The following EEIG1 variants were observed in gnomAD, a reference collection of about 807,000 sequenced individuals.
EEIG1 encodes early estrogen-induced gene 1 protein.
At chr9:127,980,380 C>T in the EEIG1 span, 1 of 440,286 alleles carries the variant, frequency 2.3e-6, no homozygotes, top group Non-Finnish European at 4.1e-6. Context: ...CGGCCGGGGA[C>T]CTCACCGGCA....
At chr9:127,951,199 A>T in the EEIG1 span, among the ~76,000 whole-genome samples, 2 of 152,100 alleles carry the variant, frequency 1.3e-5, no homozygotes, top group African/African-American at 2.4e-5. Flanking sequence ...GGAAAGTGAG[A>T]TTGAGACGAG....
At chr9:127,943,330 G>A in the EEIG1 span, 2 of 1,288,024 alleles carry the variant, frequency 1.6e-6, no homozygotes, top group Non-Finnish European at 2.3e-6. Flanking sequence ...TTCACAAGCA[G>A]GTACTGTTAA....
the EEIG1 span, among the ~76,000 whole-genome samples, chr9:127,946,647 A>G: frequency 9.2e-5 from 14 of 152,192 alleles, no homozygotes; most frequent in African/African-American, 3.4e-4. Context: ...CCCCAGACAC[A>G]TCTCTCTTCT....
the EEIG1 span, chr9:127,980,111 T>G: frequency 6.2e-7 from 1 of 1,613,244 alleles, no homozygotes; most frequent in South Asian, 1.1e-5. Context: ...GGAATTTGAA[T>G]TTCTTCTTCT....
the EEIG1 span, chr9:127,948,138 C>G: frequency 9.3e-6 from 15 of 1,613,854 alleles, no homozygotes; most frequent in Non-Finnish European, 1.2e-5. Flanking sequence ...TGCTGCTGCC[C>G]CCACTGCTGG....
At chr9:127,952,718 A>G in the EEIG1 span, among the ~76,000 whole-genome samples, 1 of 152,098 alleles carries the variant, frequency 6.6e-6, no homozygotes, top group Non-Finnish European at 1.5e-5. Context: ...CTGTTTATTT[A>G]TTTATTTATC....
chr9:127,968,197 C>T, the EEIG1 span, among the ~76,000 whole-genome samples: 1 of 152,032 alleles, frequency 6.6e-6, no homozygotes, highest in African/African-American at 2.4e-5. Context: ...TCCTGGCTGA[C>T]TCATGCCTGG....
chr9:127,943,010 G>T, the EEIG1 span: 1 of 649,056 alleles, frequency 1.5e-6, no homozygotes, highest in Non-Finnish European at 2.8e-6. Flanking sequence ...GGCCAGGAGG[G>T]TCCCAGCATG....
the EEIG1 span, among the ~76,000 whole-genome samples, chr9:127,956,710 CATT>C: frequency 3.3e-5 from 5 of 149,384 alleles, no homozygotes; most frequent in Admixed American, 6.7e-5. Flanking sequence ...CACACCCGGC[CATT>C]ATTATTATTA....
chr9:127,967,264 G>C, the EEIG1 span, among the ~76,000 whole-genome samples: 131,470 of 152,126 alleles, frequency 0.86, 58,211 homozygotes, highest in Non-Finnish European at 0.97. Flanking sequence ...AAAGATGAGC[G>C]CTCCATCTCC....
chr9:127,970,739 C>T, the EEIG1 span, among the ~76,000 whole-genome samples: 6 of 151,942 alleles, frequency 3.9e-5, no homozygotes, highest in South Asian at 8.3e-4. Flanking sequence ...CTTGACTCCT[C>T]CTGACTTCAA....
chr9:127,971,625 A>G, the EEIG1 span, among the ~76,000 whole-genome samples: 1 of 152,162 alleles, frequency 6.6e-6, no homozygotes, highest in Non-Finnish European at 1.5e-5. Context: ...GAGCCAGGGG[A>G]GAAAAGCCCC....
At chr9:127,949,533 G>A in the EEIG1 span, among the ~76,000 whole-genome samples, 1 of 152,122 alleles carries the variant, frequency 6.6e-6, no homozygotes, top group African/African-American at 2.4e-5. Context: ...TCTGGCCTGA[G>A]GTGCACAGGG....
At chr9:127,952,662 C>T in the EEIG1 span, among the ~76,000 whole-genome samples, 49 of 152,328 alleles carry the variant, frequency 3.2e-4, 1 homozygote, top group South Asian at 9.3e-3. Context: ...TGTGATAACA[C>T]AAAAAGATGC....
At chr9:127,950,530 C>T in the EEIG1 span, 5 of 1,613,588 alleles carry the variant, frequency 3.1e-6, no homozygotes, top group African/African-American at 2.7e-5. Flanking sequence ...TTCAAGTCAG[C>T]GAAGCCCAGC....
At chr9:127,946,819 G>C in the EEIG1 span, among the ~76,000 whole-genome samples, 9 of 152,344 alleles carry the variant, frequency 5.9e-5, no homozygotes, top group Non-Finnish European at 1.2e-4. Context: ...CCCAGAGGCA[G>C]AATCACTCGG....
the EEIG1 span, among the ~76,000 whole-genome samples, chr9:127,968,540 AC>A: frequency 6.6e-6 from 1 of 152,176 alleles, no homozygotes; most frequent in Admixed American, 6.5e-5. Context: ...CGCCCTTCAT[AC>A]CCCTGCTCCC....
the EEIG1 span, among the ~76,000 whole-genome samples, chr9:127,961,964 G>A: frequency 6.6e-6 from 1 of 152,202 alleles, no homozygotes; most frequent in East Asian, 1.9e-4. Flanking sequence ...TGTATGGAGG[G>A]GCAGTCCCCA....
At chr9:127,956,661 T>A in the EEIG1 span, among the ~76,000 whole-genome samples, 5 of 151,984 alleles carry the variant, frequency 3.3e-5, no homozygotes, top group Non-Finnish European at 7.4e-5. Context: ...TCTGCCCCCC[T>A]TGGCCTCCCA....
Sources: gnomAD v4.1 joint callset for allele counts (sites outside exome capture counted in the v4.1 genomes callset) on GRCh38, gnomAD v4.1.1 for gene constraint, MANE v1.5 for transcripts, NCBI Gene and HGNC (gene_info 2026-07-23, HGNC 2026-07-21) for gene names.